ANAPC4: variants seen among roughly 807,000 people sequenced by gnomAD.
ANAPC4 encodes the protein anaphase promoting complex subunit 4.
In ANAPC4, 63 loss-of-function variants were observed where a neutral mutation model predicts 119.8. The ratio of observed to expected loss-of-function variants is 0.53; its 90% CI spans 0.43 to 0.65. The LOEUF (loss-of-function observed/expected upper bound fraction) is 0.65, where lower values mean the gene tolerates loss of function less well. Among genes scored for constraint, ANAPC4 ranks in the 30% least tolerant of loss-of-function variants. The pLI is 0.00. For missense variants in ANAPC4, 716 were observed against 945.1 expected (o/e 0.76, Z 3.18); for synonymous variants, 283 against 318.6 (o/e 0.89, Z 1.19).
intron 4 of ANAPC4, among the ~76,000 whole-genome samples, chr4:25,384,314 T>C (rs755281033): frequency 6.6e-6 from 1 of 152,202 alleles, no homozygotes; most frequent in African/African-American, 2.4e-5. Context: ...TCCAGTGAAG[T>C]GTTGAACCCC....
intron 4 of ANAPC4, among the ~76,000 whole-genome samples, chr4:25,385,988 T>G (rs1172830495): frequency 6.6e-6 from 1 of 152,184 alleles, no homozygotes; most frequent in Non-Finnish European, 1.5e-5. Flanking sequence ...TGGAGTGCAG[T>G]GGCGCCATCT....
chr4:25,394,772 T>TC (rs1424373929), intron 13 of ANAPC4, 57 bp from the exon 14 acceptor site: 4 of 1,592,300 alleles, frequency 2.5e-6, no homozygotes, highest in Admixed American at 1.8e-5. Context: ...ATTTTTTTTT[T>TC]CGAGTGGCAT....
intron 21 of ANAPC4, among the ~76,000 whole-genome samples, chr4:25,410,517 C>T (rs1723502310): frequency 6.6e-6 from 1 of 152,060 alleles, no homozygotes; most frequent in Non-Finnish European, 1.5e-5. Flanking sequence ...TTGGTATCAC[C>T]ATTTACTAAT....
intron 2 of ANAPC4, 147 bp downstream of exon 2, chr4:25,377,703 T>TA (rs2109105338): frequency 8.3e-7 from 1 of 1,199,468 alleles, no homozygotes. Context: ...TGCTACCCCT[T>TA]CCCTGCCTCC....
chr4:25,377,308 T>A lies in ANAPC4; in HGVS notation c.-47T>A. ...CCGGCAGAGGGAGGGGAGAGGCCAC[T>A]GGGGCCGTGTTAGTCTGCCGGTGGG... On this transcript the variant is annotated 5_prime_UTR_variant, in exon 1 of 29. Coordinates refer to ENST00000315368, the MANE Select transcript of ANAPC4 (RefSeq NM_013367.3). 2.2e-6 allele frequency: 3 copies of A among 1,387,774 alleles called. No homozygotes were observed. Among genetic ancestry groups the A allele is most frequent in the East Asian group, 2.5e-5 (1 of 40,710 alleles). 86.0% of individuals were successfully genotyped at this position (1,387,774 alleles called of 1,614,324 possible).
chr4:25,409,547 T>C, intron 20 of ANAPC4, 151 bp from the exon 21 acceptor site: 2 of 576,916 alleles, frequency 3.5e-6, no homozygotes, highest in Non-Finnish European at 3.0e-6. Flanking sequence ...AAGTAACTTA[T>C]TAAGTTAAAA....
intron 21 of ANAPC4, 54 bp downstream of exon 21, chr4:25,409,845 G>A: frequency 2.4e-6 from 3 of 1,234,724 alleles, no homozygotes; most frequent in Non-Finnish European, 3.6e-6. Flanking sequence ...TTAAGACTAG[G>A]TCTTGAATAG....
chr4:25,418,315 G>T lies in ANAPC4; in HGVS notation c.2360G>T (p.Gly787Val), dbSNP rs1723994375. The T allele has an allele frequency of 6.2e-7, 1 of 1,614,036 alleles. No individual in the cohort carries two copies. Among genetic ancestry groups the T allele is most frequent in the Non-Finnish European group, 8.5e-7 (1 of 1,179,946 alleles). Residue 787 changes from glycine to valine, a missense_variant, in exon 29 of 29, where the codon GGT becomes GTT. Gly to Val is a moderately radical substitution (Grantham distance 109, BLOSUM62 -3). Around this residue, in one of 3 missense-constraint regions of ANAPC4, gnomAD observed 504 missense variants for 615.8 expected, o/e 0.82. Coordinates refer to ENST00000315368, the MANE Select transcript of ANAPC4 (RefSeq NM_013367.3). ...SESEAENQQA[G>V]AAALAPEIVI... The stretch of plus-strand genomic sequence containing the variant: ...TCAGAGGCAGAGAACCAACAAGCTG[G>T]TGCTGCCGCTTTAGCTCCAGAGATA...
Position 25,377,397 on chromosome 4 carries a change from C to T in ANAPC4, c.-10-21C>T, listed in dbSNP as rs540624104. 2.5e-6 allele frequency: 4 copies of T among 1,611,560 alleles called. No individual in the cohort carries two copies. In the East Asian group the frequency reaches 8.9e-5, roughly 36 times the overall value. On this transcript the variant is annotated intron_variant, in intron 1 of 28. Coordinates refer to ENST00000315368, the MANE Select transcript of ANAPC4 (RefSeq NM_013367.3). Reference sequence around the variant, plus strand: ...GAGAGCCGGGGGCTCCTGCCGGCCTCTGACTGGGGTGTCGTTGCAGGGCCG... The same window carrying T: ...GAGAGCCGGGGGCTCCTGCCGGCCTTTGACTGGGGTGTCGTTGCAGGGCCG...
In ANAPC4 at chr4:25,377,299, A is replaced by G. The variant is rs1381987219; in HGVS notation, c.-56A>G. The G allele has an allele frequency of 4.7e-6, 6 of 1,288,800 alleles. No individual in the cohort carries two copies. The highest frequency in any genetic ancestry group is 2.6e-5 in the Admixed American group (1 of 38,676). The allele number at this position is 1,288,800 out of a possible 1,614,324, so 79.8% of individuals were successfully genotyped here. A position where few individuals can be genotyped will look rare whatever the true frequency, so the allele number is the denominator to read the frequency against. ...GGCGCGCGGCCGGCAGAGGGAGGGG[A>G]GAGGCCACTGGGGCCGTGTTAGTCT... On this transcript the variant is annotated 5_prime_UTR_variant, in exon 1 of 29. Transcript: ENST00000315368.
At chr4:25,413,930 C>A (rs1723716063) in intron 22 of ANAPC4, 188 bp downstream of exon 22, 1 of 511,136 alleles carries the variant, frequency 2.0e-6, no homozygotes, top group Non-Finnish European at 3.4e-6. Flanking sequence ...TTCTTACACA[C>A]GTGTGTGTGT....
intron 25 of ANAPC4, among the ~76,000 whole-genome samples, chr4:25,414,945 A>C (rs1723779009): frequency 6.6e-6 from 1 of 152,092 alleles, no homozygotes; most frequent in African/African-American, 2.4e-5. Context: ...AGTTAGGAAA[A>C]ATATGACAGC....
chr4:25,401,329 C>T (rs189773320), intron 16 of ANAPC4, among the ~76,000 whole-genome samples: 3 of 152,266 alleles, frequency 2.0e-5, no homozygotes, highest in Admixed American at 2.0e-4. Flanking sequence ...GTGTGTGGAG[C>T]TTTGCTTCAG....
intron 16 of ANAPC4, among the ~76,000 whole-genome samples, chr4:25,400,696 A>C (rs1294169665): frequency 6.6e-6 from 1 of 152,160 alleles, no homozygotes; most frequent in Non-Finnish European, 1.5e-5. Flanking sequence ...CAAGAGGAGC[A>C]AGAGAATTGT....
rs1723634444 is a variant in ANAPC4 at position 25,412,610 on chromosome 4, G to T, written c.1526-1035G>T. 2.0e-5 allele frequency among the ~76,000 whole-genome samples: 3 copies of T among 152,084 alleles called. No individual in the cohort carries two copies. The South Asian group carries it at 6.3e-4, about 32-fold the overall frequency. ...CCCTATCTCTACTAAAAATTAGCTGGGTGTGGTGGTGTGCACCTGTAGTCC... is the reference window on the plus strand; with the variant it reads ...CCCTATCTCTACTAAAAATTAGCTGTGTGTGGTGGTGTGCACCTGTAGTCC... On this transcript the variant is annotated intron_variant, in intron 21 of 28. Transcript: ENST00000315368.
chr4:25,386,422 A>G (rs1722040092), intron 4 of ANAPC4, among the ~76,000 whole-genome samples: 1 of 151,926 alleles, frequency 6.6e-6, no homozygotes, highest in Admixed American at 6.6e-5. Flanking sequence ...CATGTTGGCC[A>G]GGCTGGTCTC....
At position 25,413,690 on chromosome 4, in the gene ANAPC4, T is replaced by C; in HGVS notation, c.1571T>C (p.Phe524Ser). The C allele has an allele frequency of 6.2e-7, 1 of 1,613,622 alleles. No individual in the cohort carries two copies. Among genetic ancestry groups the C allele is most frequent in the Non-Finnish European group, 8.5e-7 (1 of 1,179,758 alleles). ...FPYYPRKSLH[F>S]VKRRMENIID... ...TATTATCCTCGAAAATCATTGCATT[T>C]TGTGAAAAGGCGGATGGAGAATATT... The change falls in exon 22 of 29, where the codon TTT becomes TCT. Residue 524 changes from phenylalanine (F) to serine (S), a missense_variant. This residue lies in a region of ANAPC4 where 504 missense variants were observed against 615.8 expected (regional missense o/e 0.82). Coordinates refer to ENST00000315368, the MANE Select transcript of ANAPC4 (RefSeq NM_013367.3).
chr4:25,388,612 ATTTCTCTTTC>A, intron 5 of ANAPC4, 38 bp downstream of exon 5: 1 of 1,570,034 alleles, frequency 6.4e-7, no homozygotes, highest in Non-Finnish European at 8.7e-7. Context: ...AATCTTGCAG[ATTTCTCTTTC>A]TTCTGCTTTT....
intron 20 of ANAPC4, 39 bp downstream of exon 20, chr4:25,407,292 T>C: frequency 6.7e-7 from 1 of 1,486,208 alleles, no homozygotes. Context: ...TTAGCAGTGT[T>C]CATCTTTGTT....
Sources: allele counts gnomAD v4.1 joint callset (sites outside exome capture counted in the v4.1 genomes callset), GRCh38; gene constraint gnomAD v4.1.1; regional missense constraint gnomAD v4.1.1; transcripts MANE v1.5; gene names NCBI Gene and HGNC (gene_info 2026-07-23, HGNC 2026-07-21).